RAB40B: variants seen among roughly 807,000 people sequenced by gnomAD.
RAB40B encodes RAB40B, member RAS oncogene family.
In RAB40B, 21 loss-of-function variants were observed where a neutral mutation model predicts 24.0. The observed-to-expected ratio is 0.88, with a 90% CI of 0.62 to 1.26. The LOEUF is 1.26. Ranked by LOEUF, RAB40B falls within the 50% of genes most tolerant of loss-of-function variation. The probability of loss-of-function intolerance (pLI) is 0.00; values close to 1 mark genes in which losing one functional copy is unlikely to be tolerated. For synonymous variants in RAB40B, 167 were observed against 169.8 expected (o/e 0.98, Z 0.13); for missense variants, 348 against 390.5 (o/e 0.89, Z 0.92).
chr17:82,662,540 G>C, intron 2 of RAB40B: 6 of 985,380 alleles, frequency 6.1e-6, no homozygotes, highest in Non-Finnish European at 7.2e-6. Context: ...GAGGGCAGGT[G>C]GGGGCAGGCA....
chr17:82,698,394 AG>A, intron 1 of RAB40B, 60 bp downstream of exon 1: 1 of 36,286 alleles, frequency 2.8e-5, no homozygotes, highest in Non-Finnish European at 3.4e-5. Flanking sequence ...CCCCCTCCCC[AG>A]CCCCGCGCCC....
Position 82,663,913 on chromosome 17 carries a change from A to G in RAB40B, c.203+583T>C, listed in dbSNP as rs1047642503. Among the ~76,000 whole-genome samples, 3 of 151,708 alleles carry G rather than the reference A, an allele frequency of 2.0e-5. No homozygotes were observed. Among genetic ancestry groups the G allele is most frequent in the Non-Finnish European group, 4.4e-5 (3 of 67,936 alleles). ...GGATGACGGGGGCCCAGACAACCGG[A>G]CCACCACCTCCTTCAGAGAAGCCCT... On this transcript the variant is annotated intron_variant, in intron 2 of 5. Transcript: ENST00000571995. The surrounding 1 kb of genome is among the most constrained non-coding windows in gnomAD (Gnocchi z 6.2).
In RAB40B at chr17:82,667,557, C is replaced by T. The variant is rs1423206447; in HGVS notation, c.143-3001G>A. 6.6e-6 allele frequency among the ~76,000 whole-genome samples: 1 copy of T among 152,156 alleles called. No individual in the cohort carries two copies. Among genetic ancestry groups the T allele is most frequent in the African/African-American group, 2.4e-5 (1 of 41,440 alleles). On this transcript the variant is annotated intron_variant, in intron 1 of 5. Coordinates refer to ENST00000571995, the MANE Select transcript of RAB40B (RefSeq NM_006822.3). The surrounding 1 kb of genome is among the most constrained non-coding windows in gnomAD (Gnocchi z 4.3). The stretch of plus-strand genomic sequence containing the variant: ...CTGCCCCCTTCCTGGACTCCAGAGG[C>T]TCTTTCTGTGGTGCCACCAGAGCCC...
At position 82,671,490 on chromosome 17, in the gene RAB40B, C is replaced by CAT. The variant is rs1415003100; in HGVS notation, c.143-6935_143-6934insAT. Among the ~76,000 whole-genome samples the CAT allele has an allele frequency of 6.4e-3, 757 of 118,668 alleles. 1 individual carries two copies. The highest frequency in any genetic ancestry group is 9.8e-3 in the Non-Finnish European group (511 of 52,120). The allele number at this position is 118,668 out of a possible 152,430, so 77.9% of individuals were successfully genotyped here. A position where few individuals can be genotyped will look rare whatever the true frequency, so the allele number is the denominator to read the frequency against. ...TAACTCTAACACACACTCACATGCT[C>CAT]CCTGTACTCACTGACACACCCCACC... On this transcript the variant is annotated intron_variant, in intron 1 of 5. Transcript: ENST00000571995.
Position 82,675,424 on chromosome 17 carries a change from C to A in RAB40B, c.143-10868G>T, listed in dbSNP as rs1047425184. ...TGGCTTCCTTCACAGCAGCACTTGG[C>A]CCTTCTCCCGAATCTATTCTGCTCC... On this transcript the variant is annotated intron_variant, in intron 1 of 5. Transcript: ENST00000571995. This position sits in a 1 kb window ranked among gnomAD's most constrained non-coding sequence, Gnocchi z 4.5. 2.0e-5 allele frequency among the ~76,000 whole-genome samples: 3 copies of A among 152,204 alleles called. No individual in the cohort carries two copies. The highest frequency in any genetic ancestry group is 4.4e-5 in the Non-Finnish European group (3 of 68,042).
intron 1 of RAB40B, among the ~76,000 whole-genome samples, chr17:82,680,706 TG>T (rs2046440616): frequency 1.3e-5 from 2 of 152,244 alleles, no homozygotes; most frequent in South Asian, 4.1e-4. Context: ...ATTTTTCATA[TG>T]AAGTATTGAT....
chr17:82,661,201 C>T, intron 2 of RAB40B, 154 bp from the exon 3 acceptor site: 2 of 1,436,224 alleles, frequency 1.4e-6, no homozygotes, highest in Non-Finnish European at 9.2e-7. Context: ...TTTCCAATGT[C>T]CCTGAAGGGA....
Position 82,657,618 on chromosome 17 carries a change from A to C in RAB40B, c.*245T>G. On this transcript the variant is annotated 3_prime_UTR_variant, in exon 6 of 6. Transcript: ENST00000571995. ...TAACATTCAGAATTTCATGTTACCA[A>C]GAGTCGAGCAGAGTACTAATTTTCC... The C allele has an allele frequency of 3.2e-6, 2 of 628,666 alleles. No homozygotes were observed. Among genetic ancestry groups the C allele is most frequent in the Non-Finnish European group, 5.9e-6 (2 of 340,986 alleles). 38.9% of individuals were successfully genotyped at this position (628,666 alleles called of 1,614,324 possible).
chr17:82,659,677 C>T lies in RAB40B; in HGVS notation c.265-20G>A, dbSNP rs1381683839. On this transcript the variant is annotated intron_variant, in intron 3 of 5. Coordinates refer to ENST00000571995, the MANE Select transcript of RAB40B (RefSeq NM_006822.3). ...CACACCCTGGGGGAGAGGTCACAGG[C>T]TCAGCACGCAGAACACAGATGCAGG... 3 of 1,610,206 alleles carry T rather than the reference C, an allele frequency of 1.9e-6. No homozygotes were observed. The highest frequency in any genetic ancestry group is 1.7e-5 in the Admixed American group (1 of 60,010).
intron 1 of RAB40B, among the ~76,000 whole-genome samples, chr17:82,674,811 C>G (rs373545721): frequency 1.3e-5 from 2 of 151,938 alleles, no homozygotes; most frequent in African/African-American, 4.8e-5. Context: ...GTGGGAAGAA[C>G]GAACCCCAGA....
rs2046133597 is a variant in RAB40B, at chr17:82,659,495, G to T, written c.342+85C>A. 7 of 1,370,472 alleles carry T rather than the reference G, an allele frequency of 5.1e-6. No homozygotes were observed. In the Admixed American group the frequency reaches 5.2e-5, roughly 10 times the overall value. The allele number at this position is 1,370,472 out of a possible 1,614,324, so 84.9% of individuals were successfully genotyped here. ...GCCTGTGATCCATGGGTACCCATGA[G>T]CCCTGGAGGGCCCGGCCCTAATTCC... On this transcript the variant is annotated intron_variant, in intron 4 of 5. Coordinates refer to ENST00000571995, the MANE Select transcript of RAB40B (RefSeq NM_006822.3).
intron 4 of RAB40B, chr17:82,659,127 T>G: frequency 4.1e-6 from 1 of 245,700 alleles, no homozygotes; most frequent in Middle Eastern, 1.5e-3. Flanking sequence ...AATGCATTTC[T>G]GTTGTTCAGG....
At chr17:82,659,447 C>A in intron 4 of RAB40B, 133 bp downstream of exon 4, 1 of 775,130 alleles carries the variant, frequency 1.3e-6, no homozygotes, top group Non-Finnish European at 2.1e-6. Context: ...CTCCTTCCTG[C>A]TGGAGCGCCA....
chr17:82,698,513 G>A lies in RAB40B; in HGVS notation c.84C>T (p.Gly28=), dbSNP rs200465969. ...LLVGDSDVGK[G]EILASLQDGA... ...CATCCTGCAGGCTCGCCAGGATCTC[G>A]CCCTTGCCCACGTCGCTGTCGCCCA... The change falls in exon 1 of 6, where the codon GGC becomes GGT. Residue 28 remains glycine, a synonymous_variant. Transcript: ENST00000571995. The A allele has an allele frequency of 1.3e-6, 2 of 1,523,778 alleles. No individual in the cohort carries two copies. The highest frequency in any genetic ancestry group is 1.9e-5 in the Admixed American group (1 of 52,430). The allele number at this position is 1,523,778 out of a possible 1,614,324, so 94.4% of individuals were successfully genotyped here.
intron 1 of RAB40B, among the ~76,000 whole-genome samples, chr17:82,682,121 GCACA>G (rs3078848): frequency 1.5e-4 from 22 of 149,728 alleles, no homozygotes; most frequent in Admixed American, 3.3e-4. Flanking sequence ...ACACACGCAT[GCACA>G]CACACACACA....
chr17:82,664,680 T>C (rs1395565246), intron 1 of RAB40B, 124 bp from the exon 2 acceptor site: 2 of 897,078 alleles, frequency 2.2e-6, no homozygotes, highest in African/African-American at 1.7e-5. Flanking sequence ...GGCAGGCGGA[T>C]GGGACCCCCT....
At chr17:82,688,323 A>G (rs1434749558) in intron 1 of RAB40B, among the ~76,000 whole-genome samples, 1 of 151,124 alleles carries the variant, frequency 6.6e-6, no homozygotes, top group African/African-American at 2.4e-5. Flanking sequence ...CACTTTTAAA[A>G]ATTGTTTTGG....
In RAB40B at chr17:82,659,631, C is replaced by G; in HGVS notation, c.291G>C (p.Ala97=). Residue 97 remains alanine, a synonymous_variant, in exon 4 of 6, where the codon GCG becomes GCC. Coordinates refer to ENST00000571995, the MANE Select transcript of RAB40B (RefSeq NM_006822.3). The part of the protein sequence containing the change: ...AQGVILVYDI[A]NRWSFDGIDR... ...CAATGCCGTCAAAAGACCAGCGGTT[C>G]GCAATGTCATAGACCAGGATCACAC... The G allele has an allele frequency of 6.2e-7, 1 of 1,614,166 alleles. No homozygotes were observed. The highest frequency in any genetic ancestry group is 8.5e-7 in the Non-Finnish European group (1 of 1,180,038).
At chr17:82,690,422 G>A (rs1447692931) in intron 1 of RAB40B, among the ~76,000 whole-genome samples, 1 of 135,286 alleles carries the variant, frequency 7.4e-6, no homozygotes, top group Non-Finnish European at 1.5e-5. Flanking sequence ...AGGGAGCAGA[G>A]AGTGTGCACG....
Sources: allele counts gnomAD v4.1 joint callset (sites outside exome capture counted in the v4.1 genomes callset), GRCh38; gene constraint gnomAD v4.1.1; non-coding constraint Gnocchi (gnomAD v3.1); transcripts MANE v1.5; gene names NCBI Gene and HGNC (gene_info 2026-07-23, HGNC 2026-07-21).